The following SMYD3 variants were observed in gnomAD, a reference collection of about 807,000 sequenced individuals.
The protein encoded by SMYD3 is histone-lysine N-methyltransferase SMYD3.
A neutral mutation model predicts 57.7 loss-of-function variants in SMYD3; 36 were observed. The ratio of observed to expected loss-of-function variants is 0.62; its 90% CI spans 0.48 to 0.82. The LOEUF (loss-of-function observed/expected upper bound fraction) is 0.82, where lower values mean the gene tolerates loss of function less well. SMYD3 is among the 40% of genes least tolerant of loss of function. The pLI is 0.00. For synonymous variants in SMYD3, 211 were observed against 195.0 expected, an observed-to-expected ratio of 1.08 and a Z score of -0.68; for missense variants, 515 against 538.8, an observed-to-expected ratio of 0.96 and a Z score of 0.44.
intron 10 of SMYD3, among the ~76,000 whole-genome samples, chr1:245,773,071 T>TG (rs1260009480): frequency 4.8e-4 from 63 of 130,848 alleles, no homozygotes; most frequent in African/African-American, 1.6e-3. Context: ...CACACTGGGT[T>TG]GGGGGTGGGG....
At chr1:245,919,071 C>T (rs988563118) in intron 7 of SMYD3, among the ~76,000 whole-genome samples, 11 of 152,208 alleles carry the variant, frequency 7.2e-5, no homozygotes, top group African/African-American at 2.7e-4. Context: ...CCTCGGCATA[C>T]TGTAACTGCC....
At chr1:246,379,809 G>A (rs1392230557) in intron 1 of SMYD3, among the ~76,000 whole-genome samples, 2 of 152,114 alleles carry the variant, frequency 1.3e-5, no homozygotes, top group Non-Finnish European at 2.9e-5. Context: ...AGACCAGCCT[G>A]GACAACACGG....
chr1:246,329,542 G>T (rs1225681354), intron 4 of SMYD3, among the ~76,000 whole-genome samples: 1 of 151,908 alleles, frequency 6.6e-6, no homozygotes, highest in African/African-American at 2.4e-5. Context: ...GGGGTTGTTT[G>T]TTTTTTTCTT....
chr1:246,328,687 TTTTTC>T (rs1028152371), intron 4 of SMYD3, among the ~76,000 whole-genome samples: 15 of 151,562 alleles, frequency 9.9e-5, no homozygotes, highest in African/African-American at 3.6e-4. Flanking sequence ...TTTTATTTAT[TTTTTC>T]TTTTATTATT....
At chr1:246,505,677 CA>C (rs1222869305) in intron 1 of SMYD3, among the ~76,000 whole-genome samples, 2 of 152,044 alleles carry the variant, frequency 1.3e-5, no homozygotes, top group African/African-American at 4.8e-5. Context: ...CCAGTTACTG[CA>C]AACAGGAAAA....
At chr1:245,763,341 T>C (rs1240475826) in intron 11 of SMYD3, among the ~76,000 whole-genome samples, 1 of 152,168 alleles carries the variant, frequency 6.6e-6, no homozygotes, top group Non-Finnish European at 1.5e-5. Context: ...TCATCGGGTA[T>C]GCCTACTGCA....
At chr1:246,293,572 A>G (rs1221875198) in intron 5 of SMYD3, among the ~76,000 whole-genome samples, 1 of 152,170 alleles carries the variant, frequency 6.6e-6, no homozygotes. Flanking sequence ...GACTACTCCA[A>G]GAAAACCCCT....
At chr1:245,797,931 A>G (rs193238971) in intron 10 of SMYD3, among the ~76,000 whole-genome samples, 9 of 151,822 alleles carry the variant, frequency 5.9e-5, no homozygotes, top group African/African-American at 2.2e-4. Flanking sequence ...AAAAGCTACA[A>G]AGCTTTTCAC....
chr1:245,751,380 C>T (rs1474688024), intron 11 of SMYD3, among the ~76,000 whole-genome samples: 4 of 152,170 alleles, frequency 2.6e-5, no homozygotes, highest in Non-Finnish European at 4.4e-5. Flanking sequence ...GTTGGAAAAA[C>T]GCTGAAGCTT....
chr1:245,833,059 C>CAAAAAAAAAAAAAAAAAAAAAAA (rs35215737), intron 10 of SMYD3, among the ~76,000 whole-genome samples: 1 of 40,842 alleles, frequency 2.4e-5, no homozygotes, highest in African/African-American at 6.3e-5. Flanking sequence ...GAATATGTGA[C>CAAAAAAAAAAAAAAAAAAAAAAA]AAAAAAAAAA....
At chr1:246,254,592 T>C (rs1360030338) in intron 5 of SMYD3, among the ~76,000 whole-genome samples, 2 of 152,232 alleles carry the variant, frequency 1.3e-5, no homozygotes, top group African/African-American at 4.8e-5. Flanking sequence ...TTTGGGCTTT[T>C]TGCTTAGGAT....
intron 5 of SMYD3, among the ~76,000 whole-genome samples, chr1:246,098,745 A>G (rs1014785575): frequency 2.0e-5 from 3 of 152,202 alleles, no homozygotes; most frequent in African/African-American, 7.2e-5. Context: ...GATTGTAAGT[A>G]TTTTATTATA....
At chr1:245,926,821 G>A (rs1010541211) in intron 7 of SMYD3, among the ~76,000 whole-genome samples, 7 of 152,174 alleles carry the variant, frequency 4.6e-5, no homozygotes, top group South Asian at 2.1e-4. Flanking sequence ...AATAGATAGC[G>A]GTTTCATCTC....
chr1:245,980,085 TCACAGATGAGGATGCAGGG>T lies in SMYD3; in HGVS notation c.532-50167_532-50149del, dbSNP rs539499444. 9.5e-4 allele frequency among the ~76,000 whole-genome samples: 144 copies of T among 152,282 alleles called. 2 individuals carry two copies. The East Asian group carries it at 0.022, about 23-fold the overall frequency. ...AGTGGGAATGATAGTGAAGTCGGCC[TCACAGATGAGGATGCAGGG>T]CACACTGGGAAGCCTGCTGAATTAC... On this transcript the variant is annotated intron_variant, in intron 5 of 11. Coordinates refer to ENST00000490107, the MANE Select transcript of SMYD3 (RefSeq NM_001167740.2).
At chr1:246,101,512 C>T (rs2061015625) in intron 5 of SMYD3, among the ~76,000 whole-genome samples, 2 of 152,184 alleles carry the variant, frequency 1.3e-5, no homozygotes, top group Middle Eastern at 3.2e-3. Context: ...TTTTATCACA[C>T]TCTCAATCAT....
intron 10 of SMYD3, among the ~76,000 whole-genome samples, chr1:245,798,094 T>A (rs2047632288): frequency 2.0e-5 from 3 of 151,114 alleles, no homozygotes; most frequent in African/African-American, 7.4e-5. Context: ...TTCTTATTTT[T>A]TTTTTTAAAA....
chr1:245,971,713 C>T (rs144157517), intron 5 of SMYD3, among the ~76,000 whole-genome samples: 2 of 152,146 alleles, frequency 1.3e-5, no homozygotes, highest in African/African-American at 2.4e-5. Context: ...AGCAGTCACT[C>T]AATTCATGGT....
chr1:246,310,355 A>G (rs1187301222), intron 5 of SMYD3, among the ~76,000 whole-genome samples: 1 of 152,192 alleles, frequency 6.6e-6, no homozygotes, highest in Non-Finnish European at 1.5e-5. Flanking sequence ...CAGCCATTCA[A>G]TCCTGATGGA....
At chr1:246,361,569 TAAAGA>T (rs2065987038) in intron 1 of SMYD3, among the ~76,000 whole-genome samples, 2 of 152,078 alleles carry the variant, frequency 1.3e-5, no homozygotes, top group Non-Finnish European at 2.9e-5. Context: ...AACAAATGGA[TAAAGA>T]AAATGTGGTA....
Sources: allele counts gnomAD v4.1 joint callset (sites outside exome capture counted in the v4.1 genomes callset), GRCh38; gene constraint gnomAD v4.1.1; transcripts MANE v1.5; gene names NCBI Gene and HGNC (gene_info 2026-07-23, HGNC 2026-07-21).